The following NTRK2 variants were observed in gnomAD, a reference collection of about 807,000 sequenced individuals.
NTRK2 encodes neurotrophic receptor tyrosine kinase 2, also known as BDNF/NT-3 growth factors receptor.
In NTRK2, 13 loss-of-function variants were observed where a neutral mutation model predicts 94.5. The ratio of observed to expected loss-of-function variants is 0.14; its 90% CI spans 0.09 to 0.22. NTRK2 has a LOEUF of 0.22. Among genes scored for constraint, NTRK2 ranks in the 10% least tolerant of loss-of-function variants. The pLI is 1.00. For missense variants in NTRK2, 639 were observed against 1,071.2 expected, an observed-to-expected ratio of 0.60 and a Z score of 5.63; for synonymous variants, 372 against 407.4, an observed-to-expected ratio of 0.91 and a Z score of 1.05.
Position 84,958,465 on chromosome 9 carries a change from G to A in NTRK2, c.2172+2948G>A, listed in dbSNP as rs575923756. Among the ~76,000 whole-genome samples the A allele has an allele frequency of 1.4e-4, 21 of 152,266 alleles. 1 individual carries two copies. Among genetic ancestry groups the A allele is most frequent in the Admixed American group, 3.9e-4 (6 of 15,300 alleles). ...TGAAGTACTTTCTTCTGAAATGATCGGAAGAATAACGATTCCCAGTTCCTT... is the reference window on the plus strand; with the variant it reads ...TGAAGTACTTTCTTCTGAAATGATCAGAAGAATAACGATTCCCAGTTCCTT... On this transcript the variant is annotated intron_variant, in intron 17 of 18. Coordinates refer to ENST00000277120, the MANE Select transcript of NTRK2 (RefSeq NM_006180.6).
intron 17 of NTRK2, among the ~76,000 whole-genome samples, chr9:84,969,489 A>G (rs549043311): frequency 1.3e-5 from 2 of 152,354 alleles, no homozygotes; most frequent in African/African-American, 4.8e-5. Context: ...CAAAAAAATA[A>G]AATATACAGC....
chr9:84,820,307 C>A (rs1048467952), intron 12 of NTRK2, among the ~76,000 whole-genome samples: 3 of 151,748 alleles, frequency 2.0e-5, no homozygotes, highest in Non-Finnish European at 4.4e-5. Context: ...GTAGCTGGGA[C>A]TACAGGCGTG....
At chr9:84,834,982 T>G (rs1023198082) in intron 12 of NTRK2, among the ~76,000 whole-genome samples, 1 of 152,246 alleles carries the variant, frequency 6.6e-6, no homozygotes, top group East Asian at 1.9e-4. Context: ...GCACAGCTGA[T>G]AATTTACATT....
chr9:84,886,519 A>T (rs7875515), intron 14 of NTRK2, among the ~76,000 whole-genome samples: 3 of 152,164 alleles, frequency 2.0e-5, no homozygotes, highest in Non-Finnish European at 4.4e-5. Context: ...CCCTGATCTA[A>T]CCTGGGGCCT....
At chr9:84,811,370 G>A in intron 12 of NTRK2, 1 of 1,066,214 alleles carries the variant, frequency 9.4e-7, no homozygotes, top group Non-Finnish European at 1.1e-6. Context: ...GTTTTGTTGG[G>A]GCTATAGATT....
chr9:84,926,169 CCTTT>C (rs869183621), intron 14 of NTRK2, among the ~76,000 whole-genome samples: 737 of 38,334 alleles, frequency 0.019, 25 homozygotes, highest in East Asian at 0.033. Context: ...TTCCTTCCTT[CCTTT>C]CTTTCTTTCT....
intron 12 of NTRK2, among the ~76,000 whole-genome samples, chr9:84,773,016 G>A (rs928909940): frequency 1.3e-5 from 2 of 152,312 alleles, no homozygotes; most frequent in Admixed American, 6.5e-5. Context: ...GAGAGTGCTA[G>A]AATGTCTAAA....
chr9:84,754,824 T>C (rs1229562091), intron 12 of NTRK2, among the ~76,000 whole-genome samples: 1 of 152,148 alleles, frequency 6.6e-6, no homozygotes, highest in African/African-American at 2.4e-5. Context: ...AGGAGGAAGG[T>C]GGCCAGCTCA....
chr9:84,690,408 A>G lies in NTRK2; in HGVS notation c.213-11751A>G, dbSNP rs1226196632. 2.0e-5 allele frequency among the ~76,000 whole-genome samples: 3 copies of G among 152,198 alleles called. No homozygotes were observed. The East Asian group carries it at 5.8e-4, about 29-fold the overall frequency. On this transcript the variant is annotated intron_variant, in intron 2 of 18. Transcript: ENST00000277120. ...AAACTGTGTTCTGCTGTGATTCGTG[A>G]TGACTTGAATGCTTTTTAGAATTCT...
chr9:84,761,390 A>G (rs1442100788), intron 12 of NTRK2, among the ~76,000 whole-genome samples: 1 of 152,152 alleles, frequency 6.6e-6, no homozygotes, highest in African/African-American at 2.4e-5. Flanking sequence ...AAGTCCTGGC[A>G]AGACTTGAGT....
At chr9:84,911,980 A>T (rs961453234) in intron 14 of NTRK2, among the ~76,000 whole-genome samples, 2 of 151,870 alleles carry the variant, frequency 1.3e-5, no homozygotes, top group Non-Finnish European at 2.9e-5. Flanking sequence ...ATTTTTTCTT[A>T]TTTCCCTTGA....
chr9:84,821,331 AC>A (rs1268666140), intron 12 of NTRK2, among the ~76,000 whole-genome samples: 9 of 85,334 alleles, frequency 1.1e-4, no homozygotes, highest in Non-Finnish European at 2.2e-4. Context: ...ACACACACAC[AC>A]ACACACACAC....
intron 17 of NTRK2, among the ~76,000 whole-genome samples, chr9:84,983,804 T>A (rs1412193275): frequency 6.6e-6 from 1 of 152,178 alleles, no homozygotes; most frequent in Non-Finnish European, 1.5e-5. Context: ...AATGTGAAGG[T>A]CCATTGTGAA....
intron 9 of NTRK2, among the ~76,000 whole-genome samples, chr9:84,741,479 C>T (rs1014947370): frequency 1.3e-5 from 2 of 152,120 alleles, no homozygotes; most frequent in African/African-American, 4.8e-5. Context: ...ACACAGTTAA[C>T]AGTAACCCTC....
At chr9:84,803,132 C>G (rs1199886097) in intron 12 of NTRK2, among the ~76,000 whole-genome samples, 1 of 152,142 alleles carries the variant, frequency 6.6e-6, no homozygotes, top group East Asian at 1.9e-4. Context: ...GAGTCTGTGC[C>G]CACCCTGCTG....
chr9:84,699,425 C>A (rs2060584226), intron 2 of NTRK2, among the ~76,000 whole-genome samples: 1 of 152,152 alleles, frequency 6.6e-6, no homozygotes, highest in Non-Finnish European at 1.5e-5. Flanking sequence ...ATTCTTGCCC[C>A]CACAGTAGAA....
chr9:84,918,204 AGT>A (rs1234887849), intron 14 of NTRK2, among the ~76,000 whole-genome samples: 1 of 152,236 alleles, frequency 6.6e-6, no homozygotes, highest in Non-Finnish European at 1.5e-5. Flanking sequence ...CTGGAAAGGC[AGT>A]ATCAGGAACC....
In NTRK2 at chr9:84,984,263, A is replaced by G. The variant is rs182728719; in HGVS notation, c.2172+28746A>G. Among the ~76,000 whole-genome samples the G allele has an allele frequency of 6.9e-4, 105 of 152,252 alleles. 1 individual carries two copies. Among genetic ancestry groups the G allele is most frequent in the Admixed American group, 3.9e-3 (60 of 15,294 alleles). On this transcript the variant is annotated intron_variant, in intron 17 of 18. Coordinates refer to ENST00000277120, the MANE Select transcript of NTRK2 (RefSeq NM_006180.6). ...TCAGATGGGCAGATTACCTGAGGTC[A>G]GGAGTTCGAGGGCAGCCTGGCCAAC...
chr9:84,883,284 G>T (rs1199557614), intron 14 of NTRK2, among the ~76,000 whole-genome samples: 1 of 152,226 alleles, frequency 6.6e-6, no homozygotes, highest in Non-Finnish European at 1.5e-5. Context: ...ACGTGAGGTG[G>T]CAAGCTCCCT....
Sources: allele counts gnomAD v4.1 joint callset (sites outside exome capture counted in the v4.1 genomes callset), GRCh38; gene constraint gnomAD v4.1.1; transcripts MANE v1.5; gene names NCBI Gene and HGNC (gene_info 2026-07-23, HGNC 2026-07-21).